The following CKAP2 variants were observed in gnomAD, a reference collection of about 807,000 sequenced individuals.
CKAP2 encodes cytoskeleton associated protein 2.
CKAP2 carries 46 observed loss-of-function variants against 58.4 expected under a neutral mutation model. That is an observed-to-expected ratio of 0.79 (90% confidence interval 0.62 to 1.01). The LOEUF (loss-of-function observed/expected upper bound fraction) is 1.01, where lower values mean the gene tolerates loss of function less well. Ranked by LOEUF, CKAP2 falls within the 50% of genes least tolerant of loss-of-function variation. CKAP2 has a pLI of 0.00. For missense variants in CKAP2, 809 were observed against 796.4 expected (o/e 1.02, Z -0.19); for synonymous variants, 293 against 280.9 (o/e 1.04, Z -0.43).
Position 52,456,328 on chromosome 13 carries a change from A to T in CKAP2, c.71-195A>T. On this transcript the variant is annotated intron_variant, in intron 1 of 8. Coordinates refer to ENST00000258607, the MANE Select transcript of CKAP2 (RefSeq NM_018204.5). ...ATTCTTATGCAGAGGGGTTTTGGGGACCTGTTGTGGTAACAGTCTCTTCTA... is the reference window on the plus strand; with the variant it reads ...ATTCTTATGCAGAGGGGTTTTGGGGTCCTGTTGTGGTAACAGTCTCTTCTA... The T allele has an allele frequency of 5.9e-6, 4 of 678,790 alleles. No individual in the cohort carries two copies. The South Asian group carries it at 1.5e-4, about 25-fold the overall frequency. The allele number at this position is 678,790 out of a possible 1,614,324, so 42.0% of individuals were successfully genotyped here. A position where few individuals can be genotyped will look rare whatever the true frequency, so the allele number is the denominator to read the frequency against.
rs1161322791 is a variant in CKAP2 at position 52,461,193 on chromosome 13, A to G, written c.367A>G (p.Ser123Gly). 4 of 1,614,036 alleles carry G rather than the reference A, an allele frequency of 2.5e-6. No homozygotes were observed. Among genetic ancestry groups the G allele is most frequent in the South Asian group, 1.1e-5 (1 of 90,992 alleles). ...AATTGACACACATAAACCTAAGGAT[A>G]GTAATCAAACTCCGCATTTGTTACT... ...VVIDTHKPKDSNQTPHLLLTE... is the reference protein window; with the variant it reads ...VVIDTHKPKDGNQTPHLLLTE... Residue 123 changes from serine (S) to glycine (G), a missense_variant, in exon 4 of 9, where the codon AGT becomes GGT. This residue lies in a region of CKAP2 where 523 missense variants were observed against 492.4 expected (regional missense o/e 1.06). Transcript: ENST00000258607.
At chr13:52,462,023 T>G (rs1429478388) in intron 4 of CKAP2, 97 bp downstream of exon 4, 1 of 1,186,460 alleles carries the variant, frequency 8.4e-7, no homozygotes, top group African/African-American at 1.6e-5. Flanking sequence ...GAATTTTCTT[T>G]CATGGTTTCT....
chr13:52,455,711 G>C, intron 1 of CKAP2, 85 bp downstream of exon 1: 1 of 1,343,362 alleles, frequency 7.4e-7, no homozygotes, highest in African/African-American at 1.6e-5. Flanking sequence ...GGGCCGCGCT[G>C]GCGCGCTTCA....
At chr13:52,467,295 G>A (rs771598184) in intron 6 of CKAP2, among the ~76,000 whole-genome samples, 5 of 152,112 alleles carry the variant, frequency 3.3e-5, no homozygotes, top group Non-Finnish European at 5.9e-5. Flanking sequence ...AATGAAGTAT[G>A]TTGAGATGAT....
At chr13:52,462,597 A>G in intron 5 of CKAP2, 30 bp downstream of exon 5, 1 of 1,554,492 alleles carries the variant, frequency 6.4e-7, no homozygotes, top group African/African-American at 1.4e-5. Context: ...TTAGCATTTT[A>G]TAGTTTGCAA....
Position 52,467,100 on chromosome 13 carries a change from C to CAA in CKAP2, c.1477-1159_1477-1158dup, listed in dbSNP as rs34473477. Among the ~76,000 whole-genome samples the CAA allele has an allele frequency of 4.7e-3, 525 of 110,632 alleles. 5 individuals carry two copies. The highest frequency in any genetic ancestry group is 0.017 in the African/African-American group (477 of 28,106). The allele number at this position is 110,632 out of a possible 152,430, so 72.6% of individuals were successfully genotyped here. The stretch of plus-strand genomic sequence containing the variant: ...GAGTCAACAGAGCAACACCCTGTCT[C>CAA]AAAAAAAAAAAAAAAAAAAATTAGC... On this transcript the variant is annotated intron_variant, in intron 6 of 8. Transcript: ENST00000258607.
intron 1 of CKAP2, 40 bp downstream of exon 1, chr13:52,455,666 G>A: frequency 1.5e-6 from 1 of 685,322 alleles, no homozygotes; most frequent in Non-Finnish European, 2.2e-6. Flanking sequence ...GGTGGCGGTG[G>A]CGGTGGCGGG....
chr13:52,463,047 C>T (rs1958609759), intron 5 of CKAP2, among the ~76,000 whole-genome samples: 1 of 152,200 alleles, frequency 6.6e-6, no homozygotes, highest in Non-Finnish European at 1.5e-5. Flanking sequence ...AAGCCCTTCT[C>T]CTGCCTCAGC....
In CKAP2 at chr13:52,455,664, T is replaced by G. The variant is rs1566095721; in HGVS notation, c.70+38T>G. ...GTGGCGGTGGCGGTGGCGGTGGCGG[T>G]GGCGGTGGCGGGCGCGGGCCCGGCG... is the stretch of plus-strand genomic sequence containing the variant. On this transcript the variant is annotated intron_variant, in intron 1 of 8. Coordinates refer to ENST00000258607, the MANE Select transcript of CKAP2 (RefSeq NM_018204.5). 5.4e-6 allele frequency: 3 copies of G among 551,736 alleles called. No homozygotes were observed. In the Admixed American group the frequency reaches 1.6e-4, roughly 29 times the overall value. The allele number at this position is 551,736 out of a possible 1,614,324, so 34.2% of individuals were successfully genotyped here.
intron 7 of CKAP2, among the ~76,000 whole-genome samples, chr13:52,469,592 TATTTA>T (rs1594142389): frequency 6.9e-5 from 10 of 144,030 alleles, no homozygotes; most frequent in Non-Finnish European, 9.2e-5. Flanking sequence ...TTTATTTATT[TATTTA>T]TTTTTTTTTT....
chr13:52,458,051 A>G (rs2137833122), intron 2 of CKAP2, among the ~76,000 whole-genome samples: 1 of 152,358 alleles, frequency 6.6e-6, no homozygotes, highest in Admixed American at 6.5e-5. Context: ...AATTTTAAAA[A>G]TAATTTCTAA....
intron 6 of CKAP2, 50 bp from the exon 7 acceptor site, chr13:52,468,228 A>G (rs755347648): frequency 1.8e-6 from 2 of 1,137,448 alleles, no homozygotes; most frequent in Non-Finnish European, 2.6e-6. Context: ...AGTTAATGTC[A>G]GAGAAAATAA....
At position 52,460,851 on chromosome 13, in the gene CKAP2, C is replaced by G. The variant is rs1958561865; in HGVS notation, c.156-48C>G. ...CTTCTTCCTCCCCAAAAGGAAGCCT[C>G]CTTGGTACAGGATTGATTGATCATT... On this transcript the variant is annotated intron_variant, in intron 2 of 8. Transcript: ENST00000258607. The G allele has an allele frequency of 3.9e-6, 6 of 1,531,620 alleles. No homozygotes were observed. In the South Asian group the frequency reaches 7.1e-5, roughly 18 times the overall value. The allele number at this position is 1,531,620 out of a possible 1,614,324, so 94.9% of individuals were successfully genotyped here. A position where few individuals can be genotyped will look rare whatever the true frequency, so the allele number is the denominator to read the frequency against.
chr13:52,475,025 T>C lies in CKAP2; in HGVS notation c.1933T>C (p.Tyr645His). 2 of 1,614,224 alleles carry C rather than the reference T, an allele frequency of 1.2e-6. No homozygotes were observed. Among genetic ancestry groups the C allele is most frequent in the African/African-American group, 2.7e-5 (2 of 75,056 alleles). Residue 645 changes from tyrosine to histidine, a missense_variant, in exon 9 of 9, where the codon TAT becomes CAT. Tyr to His is a moderately conservative substitution (Grantham distance 83). Around this residue, in one of 3 missense-constraint regions of CKAP2, gnomAD observed 283 missense variants for 287.6 expected, o/e 0.98. Coordinates refer to ENST00000258607, the MANE Select transcript of CKAP2 (RefSeq NM_018204.5). The stretch of plus-strand genomic sequence containing the variant: ...ATTGCCAGATATGTTAAAAGATCAT[T>C]ATCCTTGTGTGTCTTCATTGGAACA... ...SKLPDMLKDH[Y>H]PCVSSLEQLT...
chr13:52,468,246 A>G (rs1378114357), intron 6 of CKAP2, 32 bp from the exon 7 acceptor site: 3 of 1,343,416 alleles, frequency 2.2e-6, no homozygotes, highest in African/African-American at 3.0e-5. Flanking sequence ...TAAAACTTAC[A>G]TGGATCTGCT....
At chr13:52,474,643 A>T (rs894347282) in intron 8 of CKAP2, among the ~76,000 whole-genome samples, 22 of 152,232 alleles carry the variant, frequency 1.4e-4, no homozygotes, top group Non-Finnish European at 3.1e-4. Context: ...TATTAATAAC[A>T]GTAGGTTTTG....
At chr13:52,472,420 C>G (rs1444588535) in intron 7 of CKAP2, among the ~76,000 whole-genome samples, 2 of 152,204 alleles carry the variant, frequency 1.3e-5, no homozygotes, top group Admixed American at 6.5e-5. Flanking sequence ...ACTTAAAACT[C>G]AGTCACTATC....
intron 2 of CKAP2, among the ~76,000 whole-genome samples, chr13:52,458,848 A>C (rs1197518170): frequency 6.6e-6 from 1 of 151,380 alleles, no homozygotes; most frequent in Non-Finnish European, 1.5e-5. Context: ...CAAGAGCGAG[A>C]CTTTGTCTCA....
chr13:52,462,525 A>G lies in CKAP2; in HGVS notation c.1263A>G (p.Lys421=). 1 of 1,614,096 alleles carries G rather than the reference A, an allele frequency of 6.2e-7. No homozygotes were observed. The highest frequency in any genetic ancestry group is 8.5e-7 in the Non-Finnish European group (1 of 1,179,990). The change falls in exon 5 of 9, where the codon AAA becomes AAG. Residue 421 remains lysine, a synonymous_variant. Coordinates refer to ENST00000258607, the MANE Select transcript of CKAP2 (RefSeq NM_018204.5). ...ATGAACAAAGATTATTTACTGAAAAAGTAAACAACACATTTTCTGAATGCC... is the reference window on the plus strand; with the variant it reads ...ATGAACAAAGATTATTTACTGAAAAGGTAAACAACACATTTTCTGAATGCC... ...EEDEQRLFTE[K]VNNTFSECLN...
Sources: gnomAD v4.1 joint callset for allele counts (sites outside exome capture counted in the v4.1 genomes callset) on GRCh38, gnomAD v4.1.1 for gene constraint, gnomAD v4.1.1 regional missense constraint, MANE v1.5 for transcripts, NCBI Gene and HGNC (gene_info 2026-07-23, HGNC 2026-07-21) for gene names.